ZNF654: variants seen among roughly 807,000 people sequenced by gnomAD.
ZNF654 encodes zinc finger protein 654.
In ZNF654, 19 loss-of-function variants were observed where a neutral mutation model predicts 95.3. That is an observed-to-expected ratio of 0.20 (90% CI 0.14 to 0.29). The LOEUF (loss-of-function observed/expected upper bound fraction) is 0.29. Among genes scored for constraint, ZNF654 ranks in the 10% least tolerant of loss-of-function variants. The pLI, the probability that ZNF654 is intolerant of heterozygous loss-of-function variation, is 1.00. For synonymous variants in ZNF654, 413 were observed against 457.9 expected (o/e 0.90, Z 1.25); for missense variants, 1,046 against 1,341.0 (o/e 0.78, Z 3.44).
At chr3:88,095,214 T>A (rs1438041886) in intron 2 of ZNF654, among the ~76,000 whole-genome samples, 1 of 152,184 alleles carries the variant, frequency 6.6e-6, no homozygotes, top group Non-Finnish European at 1.5e-5. Context: ...TTGTTTCCTT[T>A]TTTATTTTTT....
At chr3:88,131,670 G>A (rs989503429) in intron 6 of ZNF654, among the ~76,000 whole-genome samples, 1 of 152,124 alleles carries the variant, frequency 6.6e-6, no homozygotes, top group African/African-American at 2.4e-5. Context: ...AGTGTCTCCA[G>A]CTGCCTAACC....
intron 1 of ZNF654, among the ~76,000 whole-genome samples, chr3:88,068,965 A>G (rs1161262170): frequency 6.6e-6 from 1 of 152,208 alleles, no homozygotes; most frequent in African/African-American, 2.4e-5. Context: ...ATCTATGCAT[A>G]TATATTTGAT....
intron 3 of ZNF654, among the ~76,000 whole-genome samples, chr3:88,119,404 AGG>A (rs1705627765): frequency 1.3e-4 from 4 of 31,624 alleles, no homozygotes; most frequent in Non-Finnish European, 1.6e-4. Context: ...GGGAGGGGGG[AGG>A]GGGGAGGGAT....
chr3:88,107,867 A>C (rs1430975719), intron 2 of ZNF654, among the ~76,000 whole-genome samples: 2 of 152,092 alleles, frequency 1.3e-5, no homozygotes, highest in Non-Finnish European at 2.9e-5. Flanking sequence ...TTCTTAAACT[A>C]TATAATACCC....
Position 88,128,945 on chromosome 3 carries a change from A to C in ZNF654, c.687A>C (p.Leu229Phe). The change falls in exon 5 of 9, where the codon TTA becomes TTC. Residue 229 changes from leucine (L) to phenylalanine (F), a missense_variant. This residue lies in a region of ZNF654 where 121 missense variants were observed against 141.7 expected (regional missense o/e 0.85). Transcript: ENST00000636215. ...ATCACCCAGAAATCAGTAAAGACTT[A>C]TACTTCCATCAAGCACTCTTCACAT... Reference protein sequence around the residue: ...CINHPEISKDLYFHQALFTCL... With the variant: ...CINHPEISKDFYFHQALFTCL... The C allele has an allele frequency of 6.5e-7, 1 of 1,535,516 alleles. No individual in the cohort carries two copies. The highest frequency in any genetic ancestry group is 8.7e-7 in the Non-Finnish European group (1 of 1,146,570).
In ZNF654 at chr3:88,135,108, C is replaced by T. The variant is rs1706698742; in HGVS notation, c.941C>T (p.Ser314Leu). 1 of 1,478,218 alleles carries T rather than the reference C, an allele frequency of 6.8e-7. No homozygotes were observed. The highest frequency in any genetic ancestry group is 1.4e-5 in the African/African-American group (1 of 69,726). The allele number at this position is 1,478,218 out of a possible 1,614,324, so 91.6% of individuals were successfully genotyped here. ...WSKLQLKSNP[S>L]KQVFVDQCYQ... The stretch of plus-strand genomic sequence containing the variant: ...AAACTACAGCTTAAATCTAATCCTT[C>T]AAAACAAGTTTTTGTAGATCAATGC... Residue 314 changes from serine (S) to leucine (L), a missense_variant, in exon 7 of 9, where the codon TCA becomes TTA. Transcript: ENST00000636215.
intron 1 of ZNF654, among the ~76,000 whole-genome samples, chr3:88,071,131 T>TC (rs1385691620): frequency 4.1e-4 from 62 of 152,336 alleles, no homozygotes; most frequent in African/African-American, 1.4e-3. Context: ...TTGCTTTCCT[T>TC]CCTGGCATCT....
At chr3:88,096,224 T>C (rs1438527988) in intron 2 of ZNF654, among the ~76,000 whole-genome samples, 1 of 151,968 alleles carries the variant, frequency 6.6e-6, no homozygotes, top group Non-Finnish European at 1.5e-5. Context: ...TCTGAGAGAA[T>C]AGACAGGAGA....
At chr3:88,117,846 A>G (rs1340413405) in intron 3 of ZNF654, among the ~76,000 whole-genome samples, 1 of 152,066 alleles carries the variant, frequency 6.6e-6, no homozygotes, top group Non-Finnish European at 1.5e-5. Context: ...GTGATTATAT[A>G]AGGGGAAGTG....
chr3:88,084,855 A>G (rs1708255421), intron 1 of ZNF654, among the ~76,000 whole-genome samples: 1 of 152,208 alleles, frequency 6.6e-6, no homozygotes, highest in Non-Finnish European at 1.5e-5. Context: ...TGGATGCTAC[A>G]CTTAGTAGGT....
chr3:88,089,731 G>T (rs1470904964), intron 2 of ZNF654, among the ~76,000 whole-genome samples: 3 of 152,130 alleles, frequency 2.0e-5, no homozygotes, highest in Non-Finnish European at 2.9e-5. Context: ...GCCTACTACA[G>T]ATCCCAAAAA....
intron 2 of ZNF654, 34 bp from the exon 3 acceptor site, chr3:88,113,077 CAAAG>C (rs1481754480): frequency 2.7e-5 from 37 of 1,347,722 alleles, no homozygotes; most frequent in East Asian, 1.5e-4. Flanking sequence ...GAGCAAAACT[CAAAG>C]AAGCAATGAA....
At chr3:88,141,418 A>T (rs1390283885) in intron 8 of ZNF654, among the ~76,000 whole-genome samples, 7 of 152,120 alleles carry the variant, frequency 4.6e-5, no homozygotes, top group Non-Finnish European at 7.4e-5. Context: ...ATTATTTTTC[A>T]TATGCATTCC....
At chr3:88,090,793 A>G (rs1345771419) in intron 2 of ZNF654, among the ~76,000 whole-genome samples, 3 of 152,148 alleles carry the variant, frequency 2.0e-5, no homozygotes, top group Non-Finnish European at 4.4e-5. Context: ...CCCTGGCCAC[A>G]TTGGAAGAAT....
intron 2 of ZNF654, among the ~76,000 whole-genome samples, chr3:88,112,298 C>A (rs201901778): frequency 7.1e-6 from 1 of 141,794 alleles, no homozygotes; most frequent in African/African-American, 2.6e-5. Context: ...ATTAAAAAAA[C>A]AACTTTAGGT....
chr3:88,131,753 T>C (rs1467326280), intron 6 of ZNF654, among the ~76,000 whole-genome samples: 1 of 152,082 alleles, frequency 6.6e-6, no homozygotes, highest in African/African-American at 2.4e-5. Context: ...TACCCTCTTA[T>C]TTCTTCTACC....
At chr3:88,075,720 G>T (rs1398344953) in intron 1 of ZNF654, among the ~76,000 whole-genome samples, 1 of 152,054 alleles carries the variant, frequency 6.6e-6, no homozygotes, top group Non-Finnish European at 1.5e-5. Flanking sequence ...GTTTACATTT[G>T]AGCCTGTTAT....
rs1272282627 is a variant in ZNF654 at position 88,138,985 on chromosome 3, C to A, written c.1316C>A (p.Pro439Gln). Residue 439 changes from proline to glutamine, a missense_variant, in exon 8 of 9, where the codon CCA becomes CAA. Physicochemically the swap from Pro to Gln is moderately conservative, Grantham distance 76 (BLOSUM62 -1). Around this residue, in one of 9 missense-constraint regions of ZNF654, gnomAD observed 78 missense variants for 154.2 expected, o/e 0.51. Transcript: ENST00000636215. ...AATCGTGTTCGTTTTGAATTGCTTC[C>A]AATTTTGAAAAAGGGATTGTTTTTT... ...VQNRVRFELL[P>Q]ILKKGLFFDP... 3 of 1,245,706 alleles carry A rather than the reference C, an allele frequency of 2.4e-6. No individual in the cohort carries two copies. Among genetic ancestry groups the A allele is most frequent in the South Asian group, 3.9e-5 (1 of 25,554 alleles). The allele number at this position is 1,245,706 out of a possible 1,614,324, so 77.2% of individuals were successfully genotyped here.
chr3:88,124,842 A>G (rs1705992282), intron 3 of ZNF654, among the ~76,000 whole-genome samples: 1 of 151,492 alleles, frequency 6.6e-6, no homozygotes, highest in Non-Finnish European at 1.5e-5. Context: ...CTATTTATGC[A>G]TTTTTGAAAA....
Sources: gnomAD v4.1 joint callset for allele counts (sites outside exome capture counted in the v4.1 genomes callset) on GRCh38, gnomAD v4.1.1 for gene constraint, gnomAD v4.1.1 regional missense constraint, MANE v1.5 for transcripts, NCBI Gene and HGNC (gene_info 2026-07-23, HGNC 2026-07-21) for gene names.